ZNF329: variants seen among roughly 807,000 people sequenced by gnomAD.
ZNF329 encodes the protein zinc finger protein 329.
Under a neutral mutation model 26.6 loss-of-function variants are expected in ZNF329, and 15 were observed. That is an observed-to-expected ratio of 0.56 (90% CI 0.38 to 0.87). ZNF329 has a LOEUF of 0.87. Among genes scored for constraint, ZNF329 ranks in the 40% least tolerant of loss-of-function variants. ZNF329 has a pLI of 0.00. For missense variants in ZNF329, 651 were observed against 651.9 expected (o/e 1.00, Z 0.02); for synonymous variants, 239 against 233.5 (o/e 1.02, Z -0.21).
At position 58,128,875 on chromosome 19, in the gene ZNF329, T is replaced by C. The variant is rs1473276941; in HGVS notation, c.629A>G (p.Lys210Arg). Residue 210 changes from lysine (K) to arginine (R), a missense_variant, in exon 4 of 4, where the codon AAA (lysine) becomes AGA (arginine). By Grantham distance (26) the Lys-to-Arg change is conservative. Transcript: ENST00000598312. ...EKQYRCTECG[K>R]CFKRNSSLVL... ...AAGAGAAGAGTTCCGTTTGAAGCAT[T>C]TGCCACATTCAGTACATCTATATTG... 15 of 1,613,488 alleles carry C rather than the reference T, an allele frequency of 9.3e-6. No homozygotes were observed. Among genetic ancestry groups the C allele is most frequent in the Admixed American group, 3.3e-5 (2 of 59,768 alleles).
intron 1 of ZNF329, among the ~76,000 whole-genome samples, chr19:58,147,164 C>T (rs1220084900): frequency 6.6e-6 from 1 of 151,368 alleles, no homozygotes; most frequent in Non-Finnish European, 1.5e-5. Context: ...TGCCCCGCCG[C>T]CCCATCTGGG....
intron 3 of ZNF329, among the ~76,000 whole-genome samples, chr19:58,136,536 G>A (rs775249866): frequency 5.0e-4 from 76 of 152,046 alleles, no homozygotes; most frequent in Non-Finnish European, 8.5e-4. Context: ...TTAGCTGGGT[G>A]TGGTGGTGTA....
intron 3 of ZNF329, among the ~76,000 whole-genome samples, chr19:58,135,870 T>C (rs2075052643): frequency 2.0e-5 from 3 of 152,092 alleles, no homozygotes. Flanking sequence ...TCCTATTTAT[T>C]TGGAAAAATA....
At chr19:58,138,402 C>A (rs544746154) in intron 3 of ZNF329, among the ~76,000 whole-genome samples, 1 of 152,324 alleles carries the variant, frequency 6.6e-6, no homozygotes, top group Admixed American at 6.5e-5. Context: ...ACATCAGAAT[C>A]ATTTACTTTC....
upstream of ZNF329, among the ~76,000 whole-genome samples, chr19:58,153,623 T>A (rs939087309): frequency 6.6e-6 from 1 of 152,192 alleles, no homozygotes; most frequent in African/African-American, 2.4e-5. Context: ...TGTTTGCCAA[T>A]CCCTGTTCAG....
chr19:58,152,916 C>T (rs1272616045), upstream of ZNF329, among the ~76,000 whole-genome samples: 4 of 151,860 alleles, frequency 2.6e-5, no homozygotes, highest in Non-Finnish European at 5.9e-5. Context: ...AGCAGATGGG[C>T]TCAAATAGGC....
At chr19:58,131,111 A>ATATGTGTGTGTGTGTGTGTG (rs1480205883) in intron 3 of ZNF329, among the ~76,000 whole-genome samples, 3 of 147,510 alleles carry the variant, frequency 2.0e-5, no homozygotes, top group African/African-American at 7.4e-5. Flanking sequence ...ATACATGTAT[A>ATATGTGTGTGTGTGTGTGTG]TGTGTATATG....
At position 58,128,806 on chromosome 19, in the gene ZNF329, C is replaced by G; in HGVS notation, c.698G>C (p.Cys233Ser). The stretch of plus-strand genomic sequence containing the variant: ...GGAGAAGGACTTTCCACACTCATTA[C>G]AAGTATAAGGCTTCTCTCCGGTGTG... Reference protein sequence around the residue: ...RTHTGEKPYTCNECGKSFSKN... With the variant: ...RTHTGEKPYTSNECGKSFSKN... Residue 233 changes from cysteine to serine, a missense_variant, in exon 4 of 4, where the codon TGT becomes TCT. Coordinates refer to ENST00000598312, the MANE Select transcript of ZNF329 (RefSeq NM_024620.4). 6.2e-7 allele frequency: 1 copy of G among 1,602,964 alleles called. No individual in the cohort carries two copies. The highest frequency in any genetic ancestry group is 8.5e-7 in the Non-Finnish European group (1 of 1,175,196).
chr19:58,147,973 G>T lies in ZNF329; in HGVS notation c.-208+2779C>A, dbSNP rs2075363650. ...AGAAAGGGGGGAAAGGTGGGGAAAA[G>T]ATTGAGAAATCGGATGGTTGCCGTG... On this transcript the variant is annotated intron_variant, in intron 1 of 3. Transcript: ENST00000598312. Among the ~76,000 whole-genome samples the T allele has an allele frequency of 2.0e-5, 3 of 152,264 alleles. 1 individual carries two copies. In the South Asian group the frequency reaches 6.2e-4, roughly 32 times the overall value.
intron 3 of ZNF329, among the ~76,000 whole-genome samples, chr19:58,139,872 CAA>C (rs1329926654): frequency 6.6e-6 from 1 of 152,060 alleles, no homozygotes. Context: ...TAAAAACAAA[CAA>C]AAACAATAAC....
At chr19:58,149,148 T>A (rs1002109242) in intron 1 of ZNF329, among the ~76,000 whole-genome samples, 14 of 152,204 alleles carry the variant, frequency 9.2e-5, no homozygotes, top group African/African-American at 3.4e-4. Flanking sequence ...ACTAGCACCA[T>A]GACAGTTTAC....
Position 58,144,396 on chromosome 19 carries a change from A to ATATTTTTT in ZNF329, c.-207-1199_-207-1198insAAAAAATA, listed in dbSNP as rs756544055. ...TCTATCTATCTATATATATATATATATTTTTTTTTTGAGACGGAGTCTCGC... is the reference window on the plus strand; with the variant it reads ...TCTATCTATCTATATATATATATATATATTTTTTTTTTTTTTTTGAGACGGAGTCTCGC... On this transcript the variant is annotated intron_variant, in intron 1 of 3. Transcript: ENST00000598312. 2.4e-3 allele frequency among the ~76,000 whole-genome samples: 310 copies of ATATTTTTT among 127,674 alleles called. 5 individuals are homozygous for ATATTTTTT. The highest frequency in any genetic ancestry group is 8.8e-3 in the African/African-American group (293 of 33,358). The allele number at this position is 127,674 out of a possible 152,430, so 83.8% of individuals were successfully genotyped here.
Position 58,128,133 on chromosome 19 carries a change from A to C in ZNF329, c.1371T>G (p.Cys457Trp). Residue 457 changes from cysteine to tryptophan, a missense_variant, in exon 4 of 4, where the codon TGT becomes TGG. Cys to Trp is a radical substitution (Grantham distance 215, BLOSUM62 -2). Transcript: ENST00000598312. The stretch of plus-strand genomic sequence containing the variant: ...CCCTGAAGGCTTTGCCACACTGATT[A>C]CACTCATAGGGCTTCTCACCAGTAT... ...RTHTGEKPYE[C>W]NQCGKAFRDS... is the part of the protein sequence containing the mutation. 1 of 1,592,690 alleles carries C rather than the reference A, an allele frequency of 6.3e-7. No homozygotes were observed. Among genetic ancestry groups the C allele is most frequent in the Non-Finnish European group, 8.5e-7 (1 of 1,169,824 alleles).
chr19:58,127,596 G>T lies in ZNF329; in HGVS notation c.*282C>A. 1 of 350,760 alleles carries T rather than the reference G, an allele frequency of 2.9e-6. No individual in the cohort carries two copies. The highest frequency in any genetic ancestry group is 5.2e-6 in the Non-Finnish European group (1 of 193,622). 21.7% of individuals were successfully genotyped at this position (350,760 alleles called of 1,614,324 possible). On this transcript the variant is annotated 3_prime_UTR_variant, in exon 4 of 4. Transcript: ENST00000598312. ...GAATGCATTCACAGGTTCTCTCTGT[G>T]GTGTCACCCCCATGTTTGCACATTT... is the stretch of plus-strand genomic sequence containing the variant.
At chr19:58,144,852 T>A in intron 1 of ZNF329, among the ~76,000 whole-genome samples, 1 of 17,862 alleles carries the variant, frequency 5.6e-5, no homozygotes, top group African/African-American at 1.9e-4. Context: ...TTTTTTTTCT[T>A]TTTTTTTTTT....
upstream of ZNF329, chr19:58,154,758 C>T (rs1397815525): frequency 6.6e-6 from 1 of 152,156 alleles, no homozygotes; most frequent in Non-Finnish European, 1.5e-5. Flanking sequence ...CGGGGAACGG[C>T]TCGGGCGGCT....
At chr19:58,135,407 A>G (rs1429057543) in intron 3 of ZNF329, among the ~76,000 whole-genome samples, 5 of 152,006 alleles carry the variant, frequency 3.3e-5, no homozygotes, top group South Asian at 2.1e-4. Flanking sequence ...AGATGGGATT[A>G]CAGGTGCCCA....
chr19:58,154,420 C>T (rs1181640663), upstream of ZNF329, among the ~76,000 whole-genome samples: 2 of 152,210 alleles, frequency 1.3e-5, no homozygotes, highest in Non-Finnish European at 2.9e-5. Flanking sequence ...GGATCAGCTT[C>T]TGCTCACCCC....
At chr19:58,147,597 G>A (rs2075350525) in intron 1 of ZNF329, among the ~76,000 whole-genome samples, 1 of 142,804 alleles carries the variant, frequency 7.0e-6, no homozygotes, top group Non-Finnish European at 1.5e-5. Flanking sequence ...AGGGAGGTGG[G>A]GGGGTCAGCC....
Sources: gnomAD v4.1 joint callset for allele counts (sites outside exome capture counted in the v4.1 genomes callset) on GRCh38, gnomAD v4.1.1 for gene constraint, MANE v1.5 for transcripts, NCBI Gene and HGNC (gene_info 2026-07-23, HGNC 2026-07-21) for gene names.